ASIP: variants seen among roughly 807,000 people sequenced by gnomAD.
ASIP encodes agouti signaling protein.
A neutral mutation model predicts 10.3 loss-of-function variants in ASIP; 11 were observed. That is an observed-to-expected ratio of 1.07 (90% CI 0.68 to 1.78). ASIP has a LOEUF of 1.78. Among genes scored for constraint, ASIP ranks in the 40% most tolerant of loss-of-function variants. ASIP has a pLI of 0.00. For missense variants in ASIP, 180 were observed against 169.2 expected (o/e 1.06, Z -0.35); for synonymous variants, 70 against 70.8 (o/e 0.99, Z 0.06).
At chr20:34,203,918 G>A (rs1410840674) in intron 1 of ASIP, among the ~76,000 whole-genome samples, 2 of 151,550 alleles carry the variant, frequency 1.3e-5, no homozygotes, top group Non-Finnish European at 2.9e-5. Flanking sequence ...AGATGGGGTT[G>A]TTTCACCATG....
chr20:34,202,804 T>C (rs1446382742), intron 1 of ASIP, among the ~76,000 whole-genome samples: 1 of 140,008 alleles, frequency 7.1e-6, no homozygotes. Context: ...GGCTATTCTT[T>C]TTTTTTTTTT....
chr20:34,247,610 A>T (rs1316260069), intron 1 of ASIP, among the ~76,000 whole-genome samples: 1 of 150,720 alleles, frequency 6.6e-6, no homozygotes, highest in Non-Finnish European at 1.5e-5. Context: ...GCTTTTTCTT[A>T]TATGACTTTT....
chr20:34,235,208 G>A (rs1015422972), intron 1 of ASIP, among the ~76,000 whole-genome samples: 1 of 152,198 alleles, frequency 6.6e-6, no homozygotes, highest in Non-Finnish European at 1.5e-5. Flanking sequence ...TTGAGAGGCC[G>A]AGGTGGGCAG....
intron 1 of ASIP, among the ~76,000 whole-genome samples, chr20:34,216,100 G>T (rs1458415378): frequency 6.6e-6 from 1 of 152,250 alleles, no homozygotes; most frequent in Admixed American, 6.5e-5. Flanking sequence ...TGCCACGACC[G>T]CAGCGCCAAC....
intron 1 of ASIP, among the ~76,000 whole-genome samples, chr20:34,247,960 C>A (rs992792784): frequency 6.6e-6 from 1 of 152,194 alleles, no homozygotes; most frequent in Admixed American, 6.5e-5. Context: ...AATCCCAGCA[C>A]TTTGGAAGGC....
intron 1 of ASIP, among the ~76,000 whole-genome samples, chr20:34,227,324 T>C (rs1328164708): frequency 6.6e-6 from 1 of 152,120 alleles, no homozygotes; most frequent in East Asian, 1.9e-4. Context: ...GAGAAATTAA[T>C]ACTTAAATAA....
chr20:34,196,658 A>G (rs1278094375), intron 1 of ASIP, among the ~76,000 whole-genome samples: 1 of 152,178 alleles, frequency 6.6e-6, no homozygotes, highest in African/African-American at 2.4e-5. Context: ...TTGGGAAGAA[A>G]TTGGAAAGAA....
chr20:34,211,225 G>T (rs2034972698), intron 1 of ASIP, among the ~76,000 whole-genome samples: 1 of 152,118 alleles, frequency 6.6e-6, no homozygotes, highest in African/African-American at 2.4e-5. Flanking sequence ...ATAGAGACAG[G>T]TTCTCACTGT....
chr20:34,269,081 C>T lies in ASIP; in HGVS notation c.313C>T (p.Pro105Ser). 1 of 1,582,738 alleles carries T rather than the reference C, an allele frequency of 6.3e-7. No individual in the cohort carries two copies. Among genetic ancestry groups the T allele is most frequent in the Non-Finnish European group, 8.6e-7 (1 of 1,165,236 alleles). ...ATRNSCKPPAPACCDPCASCQ... is the reference protein window; with the variant it reads ...ATRNSCKPPASACCDPCASCQ... ...CCGCAACAGCTGCAAGCCGCCGGCA[C>T]CCGCCTGCTGCGACCCGTGCGCCTC... Residue 105 changes from proline (P) to serine (S), a missense_variant, in exon 4 of 4, where the codon CCC becomes TCC. Pro to Ser is a moderately conservative substitution (Grantham distance 74). Transcript: ENST00000374954.
chr20:34,237,793 T>C (rs1469961469), upstream of ASIP, among the ~76,000 whole-genome samples: 1 of 152,220 alleles, frequency 6.6e-6, no homozygotes, highest in Non-Finnish European at 1.5e-5. Flanking sequence ...GGGTTTTTCA[T>C]ATATGGCTTT....
chr20:34,193,050 G>A (rs2034834354), upstream of ASIP, among the ~76,000 whole-genome samples: 1 of 152,074 alleles, frequency 6.6e-6, no homozygotes, highest in South Asian at 2.1e-4. Flanking sequence ...CTTATTCCTT[G>A]TATCTAACTG....
At chr20:34,192,521 C>CT (rs35936399), upstream of ASIP, among the ~76,000 whole-genome samples, 24,910 of 141,610 alleles carry the variant, frequency 0.18, 6,364 homozygotes, top group African/African-American at 0.57. Flanking sequence ...TTTTCTTCTT[C>CT]TTTTTTTTTT....
chr20:34,213,731 T>C, intron 1 of ASIP: 5 of 1,509,552 alleles, frequency 3.3e-6, no homozygotes, highest in Non-Finnish European at 4.6e-6. Context: ...AGGCAAATAA[T>C]CATTCGATGA....
At chr20:34,256,746 C>T (rs952952211) in intron 1 of ASIP, among the ~76,000 whole-genome samples, 6 of 152,198 alleles carry the variant, frequency 3.9e-5, no homozygotes, top group African/African-American at 1.4e-4. Context: ...TAATTTATAA[C>T]ATGCCTCTTG....
chr20:34,208,108 A>G (rs1270891735), intron 1 of ASIP, among the ~76,000 whole-genome samples: 3 of 152,100 alleles, frequency 2.0e-5, no homozygotes, highest in Non-Finnish European at 4.4e-5. Context: ...GTTGACTGTA[A>G]ATGTATAGAT....
At chr20:34,232,256 A>G (rs766277533) in intron 1 of ASIP, among the ~76,000 whole-genome samples, 13 of 152,206 alleles carry the variant, frequency 8.5e-5, no homozygotes, top group Non-Finnish European at 1.6e-4. Context: ...TGGCCTGGCT[A>G]AAGAGCAGTC....
At chr20:34,218,954 C>T (rs1003113945) in intron 1 of ASIP, among the ~76,000 whole-genome samples, 3 of 152,160 alleles carry the variant, frequency 2.0e-5, no homozygotes, top group African/African-American at 4.8e-5. Flanking sequence ...TGAGCCACCA[C>T]GCCTGGCCCC....
chr20:34,238,801 G>T (rs908024897), upstream of ASIP, among the ~76,000 whole-genome samples: 1 of 151,822 alleles, frequency 6.6e-6, no homozygotes. Context: ...TTTCCTCAGG[G>T]TTTACTTTAT....
chr20:34,204,315 G>A (rs1011207063), intron 1 of ASIP, among the ~76,000 whole-genome samples: 2 of 151,604 alleles, frequency 1.3e-5, no homozygotes, highest in African/African-American at 4.9e-5. Context: ...CCGCCTCGTG[G>A]GTTAAAGCGA....
Sources: allele counts gnomAD v4.1 joint callset (sites outside exome capture counted in the v4.1 genomes callset), GRCh38; gene constraint gnomAD v4.1.1; transcripts MANE v1.5; gene names NCBI Gene and HGNC (gene_info 2026-07-23, HGNC 2026-07-21).